CSMD1: variants seen among roughly 807,000 people sequenced by gnomAD.
CSMD1 encodes the protein CUB and Sushi multiple domains 1, also known as CUB and sushi domain-containing protein 1.
A neutral mutation model predicts 417.5 loss-of-function variants in CSMD1; 213 were observed. The observed-to-expected ratio is 0.51, with a 90% confidence interval of 0.46 to 0.57. CSMD1 has a LOEUF of 0.57. CSMD1 is among the 20% of genes least tolerant of loss of function. The pLI, the probability that CSMD1 is intolerant of heterozygous loss-of-function variation, is 0.00. For missense variants in CSMD1, 6,923 were observed against 4,529.7 expected (o/e 1.53, Z -15.17); for synonymous variants, 2,862 against 1,736.8 (o/e 1.65, Z -16.11).
intron 3 of CSMD1, among the ~76,000 whole-genome samples, chr8:4,095,400 A>AC (rs1800952056): frequency 2.1e-5 from 3 of 142,894 alleles, no homozygotes; most frequent in Non-Finnish European, 4.6e-5. Context: ...AAAGTAAAAA[A>AC]GAAAAAAAAA....
chr8:4,285,791 T>A (rs143453850), intron 3 of CSMD1, among the ~76,000 whole-genome samples: 273 of 152,280 alleles, frequency 1.8e-3, no homozygotes, highest in Admixed American at 5.1e-3. Context: ...CTCTGCTTCT[T>A]CTCCAGGTGT....
chr8:4,940,675 A>G (rs2117233987), intron 1 of CSMD1, among the ~76,000 whole-genome samples: 1 of 152,352 alleles, frequency 6.6e-6, no homozygotes, highest in African/African-American at 2.4e-5. Context: ...AAAACAAACC[A>G]ATACCTTACA....
intron 12 of CSMD1, among the ~76,000 whole-genome samples, chr8:3,457,356 C>G (rs563983792): frequency 6.6e-6 from 1 of 152,240 alleles, no homozygotes; most frequent in African/African-American, 2.4e-5. Flanking sequence ...AGCTGCCTAA[C>G]TTCTTCAGTT....
intron 1 of CSMD1, among the ~76,000 whole-genome samples, chr8:4,822,997 A>T (rs895709298): frequency 2.6e-5 from 4 of 152,134 alleles, no homozygotes; most frequent in African/African-American, 9.7e-5. Flanking sequence ...TCCAGTAATT[A>T]TTTGTATTTC....
At chr8:3,787,966 G>T (rs909179814) in intron 5 of CSMD1, among the ~76,000 whole-genome samples, 1 of 152,192 alleles carries the variant, frequency 6.6e-6, no homozygotes, top group African/African-American at 2.4e-5. Flanking sequence ...GGCTCCTAAT[G>T]CTCTTGAATA....
chr8:3,674,061 A>G (rs2623609), intron 7 of CSMD1, among the ~76,000 whole-genome samples: 137,993 of 152,146 alleles, frequency 0.91, 62,679 homozygotes, highest in Admixed American at 0.94. Flanking sequence ...AGCCATGATA[A>G]TGTCATTGCA....
chr8:4,804,452 G>C (rs1798477557), intron 1 of CSMD1, among the ~76,000 whole-genome samples: 2 of 150,632 alleles, frequency 1.3e-5, no homozygotes, highest in African/African-American at 2.5e-5. Flanking sequence ...ACAGACTTCG[G>C]TGTAGATTTT....
intron 2 of CSMD1, among the ~76,000 whole-genome samples, chr8:4,474,926 G>A (rs1800720319): frequency 6.6e-6 from 1 of 152,152 alleles, no homozygotes; most frequent in African/African-American, 2.4e-5. Context: ...CATACAAAAT[G>A]TGTTAATTGA....
chr8:3,911,892 T>G lies in CSMD1; in HGVS notation c.818+86011A>C, dbSNP rs991950107. ...GTTCCATCTTCTTACCTCCGTTATC[T>G]TTTCTCACCATCATTTTCCAAAGGA... On this transcript the variant is annotated intron_variant, in intron 5 of 69. Transcript: ENST00000635120. 3.9e-5 allele frequency among the ~76,000 whole-genome samples: 6 copies of G among 152,340 alleles called. No homozygotes were observed. The South Asian group carries it at 8.3e-4, about 21-fold the overall frequency.
At chr8:3,238,258 G>C (rs1462167290) in intron 26 of CSMD1, among the ~76,000 whole-genome samples, 1 of 152,012 alleles carries the variant, frequency 6.6e-6, no homozygotes, top group African/African-American at 2.4e-5. Context: ...AATTTCACAA[G>C]ATAATGTCAT....
chr8:3,355,869 G>A (rs886847532), intron 21 of CSMD1, among the ~76,000 whole-genome samples: 20 of 152,154 alleles, frequency 1.3e-4, no homozygotes, highest in African/African-American at 4.8e-4. Flanking sequence ...CACGTGTAAT[G>A]CACATGCCAA....
At chr8:3,920,548 C>G (rs1809169700) in intron 5 of CSMD1, among the ~76,000 whole-genome samples, 1 of 152,004 alleles carries the variant, frequency 6.6e-6, no homozygotes, top group African/African-American at 2.4e-5. Flanking sequence ...GGCAACTTGT[C>G]TTGTTCTTAA....
intron 3 of CSMD1, among the ~76,000 whole-genome samples, chr8:4,107,634 G>C (rs1405933405): frequency 6.6e-6 from 1 of 152,140 alleles, no homozygotes; most frequent in Non-Finnish European, 1.5e-5. Flanking sequence ...CATGTACAAT[G>C]AGCACCACCG....
At chr8:3,211,376 A>T (rs1198759899) in intron 30 of CSMD1, among the ~76,000 whole-genome samples, 2 of 152,124 alleles carry the variant, frequency 1.3e-5, no homozygotes, top group Non-Finnish European at 2.9e-5. Context: ...GTCTGTGTTC[A>T]TGTAGTAATT....
chr8:4,609,434 A>C (rs915281809), intron 2 of CSMD1, among the ~76,000 whole-genome samples: 1 of 152,150 alleles, frequency 6.6e-6, no homozygotes, highest in Non-Finnish European at 1.5e-5. Flanking sequence ...TGATGATCTA[A>C]AGCCTCATTC....
chr8:4,012,057 A>T (rs956089853), intron 4 of CSMD1, among the ~76,000 whole-genome samples: 1 of 152,152 alleles, frequency 6.6e-6, no homozygotes, highest in African/African-American at 2.4e-5. Flanking sequence ...GTCGGTACAG[A>T]TGCAGCCATC....
chr8:4,205,205 A>G (rs745815669), intron 3 of CSMD1, among the ~76,000 whole-genome samples: 1 of 152,232 alleles, frequency 6.6e-6, no homozygotes, highest in African/African-American at 2.4e-5. Context: ...ATAGCATTGC[A>G]CATTTCTCTT....
chr8:3,789,564 A>C (rs1214163198), intron 5 of CSMD1, among the ~76,000 whole-genome samples: 1 of 150,462 alleles, frequency 6.6e-6, no homozygotes, highest in African/African-American at 2.4e-5. Flanking sequence ...TAATATATTC[A>C]CTCACTTGCT....
intron 36 of CSMD1, among the ~76,000 whole-genome samples, chr8:3,186,035 CT>C (rs1821734916): frequency 6.7e-6 from 1 of 148,500 alleles, no homozygotes; most frequent in Non-Finnish European, 1.5e-5. Context: ...TCTCTTACAT[CT>C]TAAAAAAAAA....
Sources: gnomAD v4.1 joint callset for allele counts (sites outside exome capture counted in the v4.1 genomes callset) on GRCh38, gnomAD v4.1.1 for gene constraint, MANE v1.5 for transcripts, NCBI Gene and HGNC (gene_info 2026-07-23, HGNC 2026-07-21) for gene names.